ZFHX3: variants seen among roughly 807,000 people sequenced by gnomAD.
ZFHX3 encodes the protein zinc finger homeobox 3.
In ZFHX3, 42 loss-of-function variants were observed where a neutral mutation model predicts 279.1. That is an observed-to-expected ratio of 0.15 (90% CI 0.12 to 0.19). The LOEUF (loss-of-function observed/expected upper bound fraction) is 0.19. ZFHX3 is among the 10% of genes least tolerant of loss of function. The probability of loss-of-function intolerance (pLI) is 1.00; values close to 1 mark genes in which losing one functional copy is unlikely to be tolerated. For missense variants in ZFHX3, 4,981 were observed against 4,754.0 expected, an observed-to-expected ratio of 1.05 and a Z score of -1.40; for synonymous variants, 2,293 against 1,957.8, an observed-to-expected ratio of 1.17 and a Z score of -4.52.
chr16:73,177,013 T>C (rs138924671), intron 5 of ZFHX3, among the ~76,000 whole-genome samples: 1 of 152,286 alleles, frequency 6.6e-6, no homozygotes, highest in East Asian at 1.9e-4. Context: ...GTCCAATTAA[T>C]GTGACTTGAA....
chr16:72,787,033 TTTTTTC>T lies in ZFHX3; in HGVS notation c.*125_*130del, dbSNP rs2035410394. ...GGGAAAACAACCCACGCTTTTTCTT[TTTTTTC>T]TTTTTTTTTTTTTTTTTGTTTTTTG... On this transcript the variant is annotated 3_prime_UTR_variant, in exon 10 of 10. Coordinates refer to ENST00000268489, the MANE Select transcript of ZFHX3 (RefSeq NM_006885.4). The T allele has an allele frequency of 9.2e-7, 1 of 1,088,324 alleles. No individual in the cohort carries two copies. The highest frequency in any genetic ancestry group is 1.2e-6 in the Non-Finnish European group (1 of 841,014). The allele number at this position is 1,088,324 out of a possible 1,614,324, so 67.4% of individuals were successfully genotyped here. A position where few individuals can be genotyped will look rare whatever the true frequency, so the allele number is the denominator to read the frequency against.
At chr16:73,803,984 G>C (rs963307597) in intron 1 of ZFHX3, among the ~76,000 whole-genome samples, 1 of 151,860 alleles carries the variant, frequency 6.6e-6, no homozygotes, top group East Asian at 1.9e-4. Context: ...TGGCAAAACC[G>C]CGTCTCTACA....
chr16:73,632,103 G>C (rs116240859), intron 2 of ZFHX3, among the ~76,000 whole-genome samples: 350 of 152,300 alleles, frequency 2.3e-3, no homozygotes, highest in African/African-American at 8.0e-3. Flanking sequence ...TATCAAAAGA[G>C]TCATAAAATG....
At chr16:73,266,186 C>G (rs918347209) in intron 4 of ZFHX3, among the ~76,000 whole-genome samples, 3 of 152,274 alleles carry the variant, frequency 2.0e-5, no homozygotes, top group Middle Eastern at 3.4e-3. Flanking sequence ...CAATGCTCAC[C>G]GCCTGTATCC....
At chr16:73,307,614 T>C (rs1261246751) in intron 4 of ZFHX3, among the ~76,000 whole-genome samples, 1 of 152,198 alleles carries the variant, frequency 6.6e-6, no homozygotes, top group African/African-American at 2.4e-5. Flanking sequence ...AGAAATAGGC[T>C]CATTCTCAAG....
intron 1 of ZFHX3, among the ~76,000 whole-genome samples, chr16:73,819,646 T>A (rs1198194668): frequency 1.3e-5 from 2 of 151,870 alleles, no homozygotes; most frequent in East Asian, 3.9e-4. Context: ...AAAATTATTG[T>A]GTATAAGTCA....
chr16:73,224,593 C>T (rs1404731677), intron 5 of ZFHX3, among the ~76,000 whole-genome samples: 3 of 152,088 alleles, frequency 2.0e-5, no homozygotes, highest in African/African-American at 4.8e-5. Flanking sequence ...TTTGCAGAAA[C>T]GTGGCCAAAA....
At chr16:73,133,089 A>G (rs960039109) in intron 6 of ZFHX3, among the ~76,000 whole-genome samples, 3 of 152,184 alleles carry the variant, frequency 2.0e-5, no homozygotes, top group African/African-American at 4.8e-5. Context: ...CACCCACAGA[A>G]GTTCTGATGC....
intron 2 of ZFHX3, among the ~76,000 whole-genome samples, chr16:73,503,268 C>T (rs554657958): frequency 4.6e-5 from 7 of 152,188 alleles, no homozygotes; most frequent in South Asian, 2.1e-4. Flanking sequence ...CTATATGTCA[C>T]GGCCACTTAG....
intron 4 of ZFHX3, among the ~76,000 whole-genome samples, chr16:73,313,924 G>A (rs554306908): frequency 3.3e-5 from 5 of 152,274 alleles, no homozygotes; most frequent in Non-Finnish European, 5.9e-5. Context: ...CTTGGGTAAC[G>A]TGGGGAAACC....
chr16:72,811,961 C>T lies in ZFHX3; in HGVS notation c.3607G>A (p.Glu1203Lys), dbSNP rs2143595403. ...SKRISFPGSS[E>K]SPLSSKRPKT... is the part of the protein sequence containing the mutation. ...GGTCGCTTCGAAGAGAGGGGAGACTCTGAGCTACCTGGGAAGGAGATGCGT... is the reference window on the plus strand; with the variant it reads ...GGTCGCTTCGAAGAGAGGGGAGACTTTGAGCTACCTGGGAAGGAGATGCGT... Residue 1203 changes from glutamate to lysine, a missense_variant, in exon 6 of 10, where the codon GAG becomes AAG. Physicochemically the swap from Glu to Lys is moderately conservative, Grantham distance 56. This residue lies in a region of ZFHX3 where 1,751 missense variants were observed against 1,770.0 expected (regional missense o/e 0.99). Coordinates refer to ENST00000268489, the MANE Select transcript of ZFHX3 (RefSeq NM_006885.4). 4 of 1,614,172 alleles carry T rather than the reference C, an allele frequency of 2.5e-6. No individual in the cohort carries two copies. The African/African-American group carries it at 5.3e-5, about 22-fold the overall frequency.
intron 2 of ZFHX3, among the ~76,000 whole-genome samples, chr16:73,616,832 C>G (rs139933128): frequency 6.6e-6 from 1 of 152,190 alleles, no homozygotes; most frequent in Non-Finnish European, 1.5e-5. Flanking sequence ...TTCTAACGTA[C>G]ATTCCTCCTT....
exon 6 of ZFHX3, chr16:73,143,809 G>A (rs1443575007): frequency 3.8e-6 from 5 of 1,303,476 alleles, no homozygotes; most frequent in Admixed American, 2.3e-5. Context: ...GACTTCTGGG[G>A]GTTGTAACTT....
intron 1 of ZFHX3, among the ~76,000 whole-genome samples, chr16:73,865,725 A>G (rs774457659): frequency 8.3e-4 from 126 of 152,172 alleles, no homozygotes; most frequent in Non-Finnish European, 1.2e-3. Flanking sequence ...CACACCTGTA[A>G]TCCCAGCACT....
At chr16:73,449,626 T>A (rs111391403) in intron 3 of ZFHX3, among the ~76,000 whole-genome samples, 3 of 152,156 alleles carry the variant, frequency 2.0e-5, no homozygotes, top group Non-Finnish European at 4.4e-5. Flanking sequence ...TATAGAAGTA[T>A]AAAATATGAC....
At chr16:73,483,080 A>G (rs752073146) in intron 2 of ZFHX3, among the ~76,000 whole-genome samples, 4 of 152,194 alleles carry the variant, frequency 2.6e-5, no homozygotes, top group Non-Finnish European at 4.4e-5. Context: ...TTAGAATTCA[A>G]TGAACAAACT....
intron 1 of ZFHX3, among the ~76,000 whole-genome samples, chr16:73,843,919 T>G (rs1013862266): frequency 2.0e-5 from 3 of 152,232 alleles, no homozygotes; most frequent in African/African-American, 7.2e-5. Context: ...GGATTTTGTG[T>G]AGTCTTCATG....
intron 1 of ZFHX3, among the ~76,000 whole-genome samples, chr16:73,727,855 C>T (rs1198082728): frequency 1.3e-5 from 2 of 152,112 alleles, no homozygotes; most frequent in Non-Finnish European, 2.9e-5. Context: ...AGGAGAAACC[C>T]CATTGCTATG....
At chr16:73,606,235 T>C (rs2143872426) in intron 2 of ZFHX3, among the ~76,000 whole-genome samples, 1 of 130,028 alleles carries the variant, frequency 7.7e-6, no homozygotes, top group South Asian at 2.6e-4. Flanking sequence ...TAGGCTGGCG[T>C]GGTGGCTCAC....
Sources: allele counts gnomAD v4.1 joint callset (sites outside exome capture counted in the v4.1 genomes callset), GRCh38; gene constraint gnomAD v4.1.1; regional missense constraint gnomAD v4.1.1; transcripts MANE v1.5; gene names NCBI Gene and HGNC (gene_info 2026-07-23, HGNC 2026-07-21).